Variants in KCNIP1 observed in about 807,000 individuals in gnomAD.
KCNIP1 encodes the protein potassium voltage-gated channel interacting protein 1.
A neutral mutation model predicts 33.0 loss-of-function variants in KCNIP1; 18 were observed. The ratio of observed to expected loss-of-function variants is 0.55; its 90% CI spans 0.38 to 0.81. The LOEUF (loss-of-function observed/expected upper bound fraction) is 0.81, where lower values mean the gene tolerates loss of function less well. Ranked by LOEUF, KCNIP1 falls within the 30% of genes least tolerant of loss-of-function variation. KCNIP1 has a pLI of 0.00. For synonymous variants in KCNIP1, 93 were observed against 98.3 expected, an observed-to-expected ratio of 0.95 and a Z score of 0.32; for missense variants, 238 against 271.6, an observed-to-expected ratio of 0.88 and a Z score of 0.87.
At chr5:170,568,395 C>G (rs955360836) in intron 1 of KCNIP1, among the ~76,000 whole-genome samples, 1 of 152,002 alleles carries the variant, frequency 6.6e-6, no homozygotes, top group African/African-American at 2.4e-5. Flanking sequence ...CCATAAACTT[C>G]CTCCTGATGC....
chr5:170,601,713 A>G (rs1276347256), intron 1 of KCNIP1, among the ~76,000 whole-genome samples: 3 of 152,234 alleles, frequency 2.0e-5, no homozygotes, highest in Non-Finnish European at 4.4e-5. Flanking sequence ...GAAGGGCCAG[A>G]TCCCATTCCT....
chr5:170,425,742 C>A (rs142993247), intron 1 of KCNIP1, among the ~76,000 whole-genome samples: 2 of 152,328 alleles, frequency 1.3e-5, no homozygotes, highest in East Asian at 3.9e-4. Flanking sequence ...GACCACCAGA[C>A]CTCTCCAGGT....
intron 1 of KCNIP1, among the ~76,000 whole-genome samples, chr5:170,531,603 CTTG>C (rs1406934047): frequency 6.6e-6 from 1 of 152,192 alleles, no homozygotes; most frequent in Non-Finnish European, 1.5e-5. Flanking sequence ...AATTAGCACT[CTTG>C]TTATGCCAAG....
rs541193728 is a variant in KCNIP1 at position 170,657,370 on chromosome 5, AG to A, written c.62-61383del. ...CAAGACCTGGGAAATGAGGGTGAGG[AG>A]GGGGCCAAGAGCTCTGATTTCAAGT... On this transcript the variant is annotated intron_variant, in intron 1 of 7. Coordinates refer to ENST00000328939, the MANE Select transcript of KCNIP1 (RefSeq NM_014592.4). 1.4e-4 allele frequency among the ~76,000 whole-genome samples: 22 copies of A among 152,180 alleles called. No individual in the cohort carries two copies. In the East Asian group the frequency reaches 4.3e-3, roughly 30 times the overall value.
intron 1 of KCNIP1, among the ~76,000 whole-genome samples, chr5:170,404,811 A>G (rs1754994518): frequency 6.6e-6 from 1 of 152,230 alleles, no homozygotes; most frequent in South Asian, 2.1e-4. Context: ...GCAATCTATC[A>G]GGACTGCGTG....
chr5:170,682,784 CTTTTTTTTTTTT>C (rs70979196), intron 1 of KCNIP1, among the ~76,000 whole-genome samples: 4 of 71,404 alleles, frequency 5.6e-5, no homozygotes, highest in Non-Finnish European at 7.2e-5. Flanking sequence ...TTCTTTGTTT[CTTTTTTTTTTTT>C]TTTTTTTTTT....
At chr5:170,411,480 G>A (rs530738762) in intron 1 of KCNIP1, among the ~76,000 whole-genome samples, 1 of 152,338 alleles carries the variant, frequency 6.6e-6, no homozygotes, top group African/African-American at 2.4e-5. Flanking sequence ...GTACATGTGT[G>A]CACATGTGTA....
chr5:170,649,452 C>T (rs1760943999), intron 1 of KCNIP1, among the ~76,000 whole-genome samples: 1 of 152,136 alleles, frequency 6.6e-6, no homozygotes, highest in Admixed American at 6.6e-5. Flanking sequence ...AACAAAGGCT[C>T]TTGATGAAGG....
intron 1 of KCNIP1, chr5:170,679,284 C>T (rs1762246705): frequency 6.6e-6 from 1 of 152,234 alleles, no homozygotes; most frequent in Admixed American, 6.5e-5. Context: ...AATTAGTTTT[C>T]ATGAGATGCA....
intron 1 of KCNIP1, among the ~76,000 whole-genome samples, chr5:170,369,112 T>C (rs1305167102): frequency 2.6e-5 from 4 of 152,244 alleles, no homozygotes; most frequent in African/African-American, 9.6e-5. Context: ...CAGTGTAGTA[T>C]AGTATTTAAG....
intron 1 of KCNIP1, among the ~76,000 whole-genome samples, chr5:170,496,225 C>T (rs1757308458): frequency 6.6e-6 from 1 of 152,208 alleles, no homozygotes; most frequent in African/African-American, 2.4e-5. Context: ...GAGCATCATC[C>T]ACCACTCAAA....
At chr5:170,396,386 A>C (rs941157984) in intron 1 of KCNIP1, among the ~76,000 whole-genome samples, 1 of 152,218 alleles carries the variant, frequency 6.6e-6, no homozygotes, top group African/African-American at 2.4e-5. Context: ...AAATTATTTG[A>C]AGAGATTTGT....
intron 1 of KCNIP1, among the ~76,000 whole-genome samples, chr5:170,605,949 A>G (rs1197436697): frequency 6.6e-6 from 1 of 151,818 alleles, no homozygotes; most frequent in Non-Finnish European, 1.5e-5. Flanking sequence ...TAAGTTTTGT[A>G]TTTTTAGTAG....
chr5:170,642,450 C>T (rs1400261519), intron 1 of KCNIP1, among the ~76,000 whole-genome samples: 1 of 152,214 alleles, frequency 6.6e-6, no homozygotes, highest in Admixed American at 6.5e-5. Flanking sequence ...TGGGCCCTCT[C>T]CCAGTACACA....
At chr5:170,507,550 C>T (rs1419902964) in intron 1 of KCNIP1, among the ~76,000 whole-genome samples, 1 of 152,166 alleles carries the variant, frequency 6.6e-6, no homozygotes, top group African/African-American at 2.4e-5. Flanking sequence ...ATAACTAGGA[C>T]CAAAAACCCC....
intron 1 of KCNIP1, among the ~76,000 whole-genome samples, chr5:170,621,312 T>C (rs573966012): frequency 6.6e-6 from 1 of 152,110 alleles, no homozygotes; most frequent in Non-Finnish European, 1.5e-5. Flanking sequence ...TGGCTGCCCT[T>C]CCTGCTTTCC....
intron 1 of KCNIP1, among the ~76,000 whole-genome samples, chr5:170,484,631 C>T (rs1221248732): frequency 6.6e-6 from 1 of 151,434 alleles, no homozygotes; most frequent in Non-Finnish European, 1.5e-5. Context: ...CATTCTCTTT[C>T]TCTTCTCCTC....
intron 1 of KCNIP1, among the ~76,000 whole-genome samples, chr5:170,509,544 A>G (rs1234791544): frequency 1.3e-5 from 2 of 152,232 alleles, no homozygotes; most frequent in Non-Finnish European, 2.9e-5. Flanking sequence ...TTTAACAAAT[A>G]AGTGAAAAGA....
At chr5:170,579,973 GA>G (rs35046053) in intron 1 of KCNIP1, among the ~76,000 whole-genome samples, 10,733 of 142,254 alleles carry the variant, frequency 0.075, 520 homozygotes, top group African/African-American at 0.15. Flanking sequence ...AAATAGGAAA[GA>G]AAAAAAAAAA....
Sources: allele counts gnomAD v4.1 joint callset (sites outside exome capture counted in the v4.1 genomes callset), GRCh38; gene constraint gnomAD v4.1.1; transcripts MANE v1.5; gene names NCBI Gene and HGNC (gene_info 2026-07-23, HGNC 2026-07-21).